DIP2C: variants seen among roughly 807,000 people sequenced by gnomAD.
DIP2C encodes the protein DIP2 acetate--CoA ligase C (putative).
In DIP2C, 33 loss-of-function variants were observed where a neutral mutation model predicts 192.4. That is an observed-to-expected ratio of 0.17 (90% CI 0.13 to 0.23). The LOEUF (loss-of-function observed/expected upper bound fraction) is 0.23. Among genes scored for constraint, DIP2C ranks in the 10% least tolerant of loss-of-function variants. The probability of loss-of-function intolerance (pLI) is 1.00; values close to 1 mark genes in which losing one functional copy is unlikely to be tolerated. For synonymous variants in DIP2C, 979 were observed against 864.1 expected (o/e 1.13, Z -2.33); for missense variants, 1,537 against 2,110.1 (o/e 0.73, Z 5.32).
At chr10:485,769 AGAAACT>A (rs1390100348) in intron 2 of DIP2C, among the ~76,000 whole-genome samples, 11 of 152,248 alleles carry the variant, frequency 7.2e-5, no homozygotes, top group Non-Finnish European at 5.9e-5. Flanking sequence ...TGTTTGAGGA[AGAAACT>A]GCTTGTGTTA....
chr10:445,439 T>C (rs1589811902), intron 3 of DIP2C, among the ~76,000 whole-genome samples: 5 of 151,044 alleles, frequency 3.3e-5, no homozygotes, highest in Admixed American at 3.3e-4. Flanking sequence ...GACATCTGTA[T>C]ATATCTGTTG....
At chr10:348,499 AC>A (rs1958629522) in intron 26 of DIP2C, 141 bp downstream of exon 26, 1 of 1,327,916 alleles carries the variant, frequency 7.5e-7, no homozygotes, top group Admixed American at 2.3e-5. Flanking sequence ...GCAGGTAGAG[AC>A]CCTGTCCTGA....
intron 1 of DIP2C, among the ~76,000 whole-genome samples, chr10:555,876 C>T (rs569292180): frequency 2.6e-5 from 4 of 152,260 alleles, no homozygotes; most frequent in South Asian, 4.1e-4. Context: ...TCACAGAACA[C>T]GGTCTTCAGC....
chr10:644,921 T>A (rs953136816), intron 1 of DIP2C, among the ~76,000 whole-genome samples: 12 of 152,090 alleles, frequency 7.9e-5, no homozygotes, highest in Middle Eastern at 3.4e-3. Flanking sequence ...AATGAAAAAA[T>A]AACCGAATTA....
chr10:620,807 A>G (rs1455672266), intron 1 of DIP2C, among the ~76,000 whole-genome samples: 1 of 152,210 alleles, frequency 6.6e-6, no homozygotes, highest in African/African-American at 2.4e-5. Context: ...AAGCAAGTGG[A>G]GCAGAACGCT....
chr10:606,810 C>G (rs1852520478), intron 1 of DIP2C, among the ~76,000 whole-genome samples: 1 of 152,156 alleles, frequency 6.6e-6, no homozygotes, highest in Non-Finnish European at 1.5e-5. Context: ...AAGCTACACA[C>G]GCACATCTGA....
At chr10:374,704 T>C (rs1014397448) in intron 17 of DIP2C, among the ~76,000 whole-genome samples, 1 of 152,240 alleles carries the variant, frequency 6.6e-6, no homozygotes, top group Non-Finnish European at 1.5e-5. Context: ...GTTCCCTGTA[T>C]TATTGAGAAA....
At chr10:376,620 G>C (rs1961630457) in intron 17 of DIP2C, among the ~76,000 whole-genome samples, 1 of 149,230 alleles carries the variant, frequency 6.7e-6, no homozygotes, top group African/African-American at 2.5e-5. Context: ...CACCACCAAA[G>C]GTTTCTCTTT....
Position 543,899 on chromosome 10 carries a change from GA to G in DIP2C, c.86-57370del, listed in dbSNP as rs78037335. ...GCAAAAGAAACCTTGAATCCATTAAGAGTCAGCACCTGCTGCTTCCTTCCGC... is the reference window on the plus strand; with the variant it reads ...GCAAAAGAAACCTTGAATCCATTAAGGTCAGCACCTGCTGCTTCCTTCCGC... On this transcript the variant is annotated intron_variant, in intron 1 of 36. Transcript: ENST00000280886. 6.9e-4 allele frequency among the ~76,000 whole-genome samples: 101 copies of G among 145,788 alleles called. 2 individuals are homozygous for G. The East Asian group carries it at 0.016, about 23-fold the overall frequency.
At chr10:334,202 G>A (rs1191600296) in intron 29 of DIP2C, among the ~76,000 whole-genome samples, 1 of 151,250 alleles carries the variant, frequency 6.6e-6, no homozygotes, top group Non-Finnish European at 1.5e-5. Flanking sequence ...AGCTACTTGG[G>A]AGGCTGAGGC....
At chr10:374,448 T>C (rs1961331889) in intron 17 of DIP2C, among the ~76,000 whole-genome samples, 1 of 152,212 alleles carries the variant, frequency 6.6e-6, no homozygotes, top group South Asian at 2.1e-4. Context: ...ACAGCAACCC[T>C]GTGGAGATGG....
intron 1 of DIP2C, among the ~76,000 whole-genome samples, chr10:532,666 TGTGAGAGAGA>T (rs1847461670): frequency 1.1e-5 from 1 of 94,712 alleles, no homozygotes; most frequent in Non-Finnish European, 2.1e-5. Context: ...AGAGTATGGG[TGTGAGAGAGA>T]GTATGGGTGT....
intron 3 of DIP2C, among the ~76,000 whole-genome samples, chr10:451,549 T>A (rs960231486): frequency 6.6e-6 from 1 of 152,230 alleles, no homozygotes; most frequent in Non-Finnish European, 1.5e-5. Flanking sequence ...TTCCTGACTA[T>A]AATTTAATCA....
chr10:615,088 TAAGA>T (rs1853361569), intron 1 of DIP2C, among the ~76,000 whole-genome samples: 1 of 152,026 alleles, frequency 6.6e-6, no homozygotes, highest in Non-Finnish European at 1.5e-5. Context: ...AAGCCCTCAT[TAAGA>T]AAGGAGAATT....
intron 34 of DIP2C, 48 bp downstream of exon 34, chr10:286,225 G>A: frequency 6.3e-7 from 1 of 1,578,840 alleles, no homozygotes; most frequent in Non-Finnish European, 8.7e-7. Flanking sequence ...GCAAGCCAAG[G>A]ATACATAACA....
At chr10:480,034 C>T (rs561576791) in intron 2 of DIP2C, among the ~76,000 whole-genome samples, 356 of 148,436 alleles carry the variant, frequency 2.4e-3, no homozygotes, top group African/African-American at 8.4e-3. Context: ...GGTTCTCATC[C>T]GGCAGCCTGA....
At chr10:470,495 C>G (rs186287143) in intron 3 of DIP2C, among the ~76,000 whole-genome samples, 1 of 152,114 alleles carries the variant, frequency 6.6e-6, no homozygotes, top group Non-Finnish European at 1.5e-5. Flanking sequence ...GAACAGAAAA[C>G]GCACCCCAAG....
intron 1 of DIP2C, among the ~76,000 whole-genome samples, chr10:526,006 T>G (rs1847029175): frequency 6.6e-6 from 1 of 152,230 alleles, no homozygotes; most frequent in South Asian, 2.1e-4. Context: ...CACCACCTCC[T>G]TCTGCAACGC....
chr10:421,212 T>G (rs899333491), intron 5 of DIP2C, among the ~76,000 whole-genome samples: 4 of 152,222 alleles, frequency 2.6e-5, no homozygotes, highest in South Asian at 2.1e-4. Context: ...TGGGTCACAC[T>G]GAGCCTTGAT....
Sources: allele counts gnomAD v4.1 joint callset (sites outside exome capture counted in the v4.1 genomes callset), GRCh38; gene constraint gnomAD v4.1.1; transcripts MANE v1.5; gene names NCBI Gene and HGNC (gene_info 2026-07-23, HGNC 2026-07-21).